KCTD5: variants seen among roughly 807,000 people sequenced by gnomAD.
KCTD5 encodes BTB/POZ domain-containing protein KCTD5.
A neutral mutation model predicts 27.9 loss-of-function variants in KCTD5; 12 were observed. The observed-to-expected ratio is 0.43, with a 90% CI of 0.28 to 0.70. The LOEUF is 0.70. KCTD5 is among the 30% of genes least tolerant of loss of function. The pLI, the probability that KCTD5 is intolerant of heterozygous loss-of-function variation, is 0.19. For missense variants in KCTD5, 226 were observed against 274.8 expected, an observed-to-expected ratio of 0.82 and a Z score of 1.26; for synonymous variants, 147 against 121.4, an observed-to-expected ratio of 1.21 and a Z score of -1.39.
intron 5 of KCTD5, among the ~76,000 whole-genome samples, chr16:2,705,912 G>C (rs1407050455): frequency 2.6e-5 from 4 of 152,190 alleles, no homozygotes; most frequent in African/African-American, 9.7e-5. Context: ...GAGCTGTTGG[G>C]GCTCCCGGAT....
intron 5 of KCTD5, among the ~76,000 whole-genome samples, chr16:2,706,832 A>T (rs1173414001): frequency 8.8e-6 from 1 of 114,086 alleles, no homozygotes; most frequent in Admixed American, 9.9e-5. Flanking sequence ...TGGGCTGGCC[A>T]GGCTGAGGTG....
chr16:2,687,650 C>T (rs1402557314), intron 1 of KCTD5, among the ~76,000 whole-genome samples: 2 of 152,252 alleles, frequency 1.3e-5, no homozygotes, highest in Admixed American at 6.5e-5. Flanking sequence ...GGGGCGCCTG[C>T]TGCCTGGTCT....
In KCTD5 at chr16:2,682,728, G is replaced by C; in HGVS notation, c.180G>C (p.Gln60His). 1 of 1,610,914 alleles carries C rather than the reference G, an allele frequency of 6.2e-7. No individual in the cohort carries two copies. The highest frequency in any genetic ancestry group is 2.2e-5 in the East Asian group (1 of 44,522). The change falls in exon 1 of 6, where the codon CAG becomes CAC. Residue 60 changes from glutamine (Q) to histidine (H), a missense_variant. By Grantham distance (24) the Gln-to-His change is conservative. Transcript: ENST00000301738. ...VGGTYFLTTR[Q>H]TLCRDPKSFL... ...GCACCTACTTCCTCACCACTCGGCA[G>C]ACCCTGTGCCGGGACCCGAAATCCT...
At chr16:2,692,019 A>G (rs11077336) in intron 1 of KCTD5, among the ~76,000 whole-genome samples, 71,229 of 151,934 alleles carry the variant, frequency 0.47, 18,095 homozygotes, top group Middle Eastern at 0.56. Flanking sequence ...TCCCTCTGTC[A>G]GGAGCCTGAG....
intron 1 of KCTD5, among the ~76,000 whole-genome samples, chr16:2,689,686 T>A (rs2142052861): frequency 6.6e-6 from 1 of 151,610 alleles, no homozygotes; most frequent in Non-Finnish European, 1.5e-5. Flanking sequence ...TTCTTTTCTT[T>A]TTTTTTTTTT....
At chr16:2,690,797 C>T (rs1165449226) in intron 1 of KCTD5, among the ~76,000 whole-genome samples, 1 of 152,272 alleles carries the variant, frequency 6.6e-6, no homozygotes, top group Non-Finnish European at 1.5e-5. Flanking sequence ...GGCCCAGACG[C>T]TGTTCTAAAC....
intron 5 of KCTD5, 152 bp from the exon 6 acceptor site, chr16:2,707,146 G>A (rs1301641434): frequency 9.2e-6 from 6 of 654,658 alleles, no homozygotes; most frequent in Non-Finnish European, 1.1e-5. Context: ...GGGCCTGCCA[G>A]CTGAGTCCCC....
intron 1 of KCTD5, among the ~76,000 whole-genome samples, chr16:2,686,617 C>G (rs2067540269): frequency 1.2e-5 from 1 of 81,446 alleles, no homozygotes; most frequent in South Asian, 4.8e-4. Flanking sequence ...GCAGCTGAGG[C>G]AGCCTTGGAG....
chr16:2,687,746 C>G (rs755392417), intron 1 of KCTD5, among the ~76,000 whole-genome samples: 35 of 152,132 alleles, frequency 2.3e-4, no homozygotes, highest in Non-Finnish European at 4.6e-4. Flanking sequence ...TAGCAGCCCC[C>G]CTCCACGCCC....
At chr16:2,705,140 C>T (rs535397997) in intron 5 of KCTD5, among the ~76,000 whole-genome samples, 6 of 152,348 alleles carry the variant, frequency 3.9e-5, no homozygotes, top group South Asian at 2.1e-4. Context: ...GCCAGAGTGA[C>T]GACGAGGACC....
At chr16:2,700,907 G>A (rs887746782) in intron 4 of KCTD5, among the ~76,000 whole-genome samples, 4 of 152,120 alleles carry the variant, frequency 2.6e-5, no homozygotes, top group Non-Finnish European at 5.9e-5. Flanking sequence ...TGCTGACAGG[G>A]CTGCTGACCA....
chr16:2,683,249 C>G (rs1209609639), intron 1 of KCTD5: 1 of 155,162 alleles, frequency 6.4e-6, no homozygotes, highest in Non-Finnish European at 1.4e-5. Context: ...TGAATTAACG[C>G]TGACGTGGGG....
chr16:2,702,566 C>T, intron 5 of KCTD5, 88 bp downstream of exon 5: 3 of 1,516,974 alleles, frequency 2.0e-6, no homozygotes, highest in South Asian at 2.5e-5. Flanking sequence ...CTGCCATTCT[C>T]ATCAAGCTCC....
At chr16:2,693,513 C>T (rs2067576129) in intron 1 of KCTD5, among the ~76,000 whole-genome samples, 2 of 152,242 alleles carry the variant, frequency 1.3e-5, no homozygotes, top group African/African-American at 4.8e-5. Context: ...AGGCCGAGCC[C>T]AGTGCCAGCA....
intron 1 of KCTD5, among the ~76,000 whole-genome samples, chr16:2,688,519 G>A (rs2067552729): frequency 6.6e-6 from 1 of 152,006 alleles, no homozygotes; most frequent in African/African-American, 2.4e-5. Flanking sequence ...CCAAAGTGCT[G>A]GGATTACAGG....
chr16:2,687,467 C>T (rs994842169), intron 1 of KCTD5, among the ~76,000 whole-genome samples: 10 of 152,194 alleles, frequency 6.6e-5, no homozygotes, highest in African/African-American at 2.2e-4. Flanking sequence ...AGGGCAGTGA[C>T]TAGTCTTGGT....
At chr16:2,702,158 A>G (rs938156090) in intron 4 of KCTD5, among the ~76,000 whole-genome samples, 195 bp from the exon 5 acceptor site, 3 of 152,176 alleles carry the variant, frequency 2.0e-5, no homozygotes, top group Non-Finnish European at 2.9e-5. Context: ...GCCCCATGCC[A>G]TGCCACGGCG....
chr16:2,707,234 A>C, intron 5 of KCTD5, 64 bp from the exon 6 acceptor site: 2 of 1,511,654 alleles, frequency 1.3e-6, no homozygotes, highest in South Asian at 1.2e-5. Context: ...TTTCTGGAGC[A>C]GGCGCCTGGT....
At chr16:2,706,068 C>T (rs1295992132) in intron 5 of KCTD5, among the ~76,000 whole-genome samples, 6 of 152,338 alleles carry the variant, frequency 3.9e-5, no homozygotes, top group East Asian at 1.9e-4. Flanking sequence ...CAGGGAGGGA[C>T]GTGCTGCCCC....
Sources: gnomAD v4.1 joint callset for allele counts (sites outside exome capture counted in the v4.1 genomes callset) on GRCh38, gnomAD v4.1.1 for gene constraint, MANE v1.5 for transcripts, NCBI Gene and HGNC (gene_info 2026-07-23, HGNC 2026-07-21) for gene names.